Variants in HNF1B observed in about 807,000 individuals in gnomAD.
The protein encoded by HNF1B is hepatocyte nuclear factor 1-beta.
Under a neutral mutation model 61.7 loss-of-function variants are expected in HNF1B, and 8 were observed. The ratio of observed to expected loss-of-function variants is 0.13; its 90% CI spans 0.08 to 0.23. HNF1B has a LOEUF of 0.23. Ranked by LOEUF, HNF1B falls within the 10% of genes least tolerant of loss-of-function variation. HNF1B has a pLI of 1.00. For synonymous variants in HNF1B, 314 were observed against 287.7 expected, an observed-to-expected ratio of 1.09 and a Z score of -0.93; for missense variants, 562 against 714.5, an observed-to-expected ratio of 0.79 and a Z score of 2.43.
chr17:37,687,643 G>C (rs963453348), intron 8 of HNF1B, among the ~76,000 whole-genome samples: 11 of 152,190 alleles, frequency 7.2e-5, no homozygotes, highest in African/African-American at 2.7e-4. Flanking sequence ...CCTTGAAGTA[G>C]TCTTAACTTG....
chr17:37,700,339 T>C (rs1252158338), intron 7 of HNF1B, among the ~76,000 whole-genome samples: 1 of 152,028 alleles, frequency 6.6e-6, no homozygotes, highest in African/African-American at 2.4e-5. Context: ...GGTCGAAAGG[T>C]AGGCTTGGGG....
At chr17:37,720,583 C>A in intron 4 of HNF1B, 1 of 161,002 alleles carries the variant, frequency 6.2e-6, no homozygotes, top group East Asian at 1.9e-4. Flanking sequence ...AATTCTTAAA[C>A]TGAATACCAA....
intron 8 of HNF1B, among the ~76,000 whole-genome samples, chr17:37,693,189 CAAAAAAAAA>C (rs11464180): frequency 8.4e-5 from 4 of 47,756 alleles, no homozygotes; most frequent in Admixed American, 2.5e-4. Flanking sequence ...GATTCCATCT[CAAAAAAAAA>C]AAAAAAAAAA....
At chr17:37,717,349 G>C (rs1459765012) in intron 4 of HNF1B, among the ~76,000 whole-genome samples, 1 of 152,148 alleles carries the variant, frequency 6.6e-6, no homozygotes, top group African/African-American at 2.4e-5. Flanking sequence ...TACTCAACTG[G>C]CTGGGGCTCT....
chr17:37,709,617 A>G (rs2147470651), intron 5 of HNF1B, among the ~76,000 whole-genome samples: 1 of 152,318 alleles, frequency 6.6e-6, no homozygotes, highest in African/African-American at 2.4e-5. Context: ...CAAGTGTGCT[A>G]AACTTGCATC....
chr17:37,710,686 T>G, intron 4 of HNF1B, 23 bp from the exon 5 acceptor site: 1 of 1,607,088 alleles, frequency 6.2e-7, no homozygotes, highest in African/African-American at 1.3e-5. Flanking sequence ...ACAAACCCAG[T>G]AGGGAACATT....
intron 8 of HNF1B, among the ~76,000 whole-genome samples, chr17:37,698,719 G>GA (rs1490713731): frequency 6.6e-6 from 1 of 152,012 alleles, no homozygotes; most frequent in Non-Finnish European, 1.5e-5. Flanking sequence ...CTCAGCAGGG[G>GA]ATCTGTCCTC....
chr17:37,708,919 C>T (rs2032841099), intron 5 of HNF1B, among the ~76,000 whole-genome samples: 1 of 152,180 alleles, frequency 6.6e-6, no homozygotes, highest in Non-Finnish European at 1.5e-5. Flanking sequence ...GAGCCAGGGA[C>T]TCGATCACCT....
chr17:37,739,687 G>A (rs753933665), intron 1 of HNF1B, 48 bp from the exon 2 acceptor site: 53 of 1,475,878 alleles, frequency 3.6e-5, no homozygotes, highest in Non-Finnish European at 4.9e-5. Context: ...GACATCTGGG[G>A]AGAAACATTC....
At chr17:37,743,599 G>T (rs996332032) in intron 1 of HNF1B, among the ~76,000 whole-genome samples, 1 of 152,222 alleles carries the variant, frequency 6.6e-6, no homozygotes, top group Non-Finnish European at 1.5e-5. Flanking sequence ...GAAGCCACGC[G>T]ATGGGCTCTG....
chr17:37,740,487 T>C (rs2033962411), intron 1 of HNF1B, among the ~76,000 whole-genome samples: 1 of 152,148 alleles, frequency 6.6e-6, no homozygotes, highest in Admixed American at 6.5e-5. Flanking sequence ...AAAACAGGGG[T>C]GAAATGTATG....
rs375418743 is a variant in HNF1B at position 37,737,584 on chromosome 17, T to C, written c.544+1856A>G. ...GGCTCACCCCTGTAATCCCAGCACTTTGGGAGGCTGAGGCGGCGGATCACG... is the reference window on the plus strand; with the variant it reads ...GGCTCACCCCTGTAATCCCAGCACTCTGGGAGGCTGAGGCGGCGGATCACG... On this transcript the variant is annotated intron_variant, in intron 2 of 8. Coordinates refer to ENST00000617811, the MANE Select transcript of HNF1B (RefSeq NM_000458.4). Among the ~76,000 whole-genome samples, 18 of 152,042 alleles carry C rather than the reference T, an allele frequency of 1.2e-4. No individual in the cohort carries two copies. The East Asian group carries it at 2.7e-3, about 23-fold the overall frequency.
At chr17:37,719,806 A>G (rs1466244433) in intron 4 of HNF1B, among the ~76,000 whole-genome samples, 1 of 152,240 alleles carries the variant, frequency 6.6e-6, no homozygotes, top group East Asian at 1.9e-4. Flanking sequence ...CTTAGAAAAG[A>G]GAGGTTTTCC....
chr17:37,699,543 AC>A (rs1235270929), intron 7 of HNF1B, among the ~76,000 whole-genome samples: 2 of 152,160 alleles, frequency 1.3e-5, no homozygotes, highest in African/African-American at 4.8e-5. Context: ...GGTCCAGGGC[AC>A]CATGGGCTCT....
At position 37,694,857 on chromosome 17, in the gene HNF1B, C is replaced by T. The variant is rs576647037; in HGVS notation, c.1653+4219G>A. Among the ~76,000 whole-genome samples, 12 of 152,124 alleles carry T rather than the reference C, an allele frequency of 7.9e-5. No individual in the cohort carries two copies. The East Asian group carries it at 9.7e-4, about 12-fold the overall frequency. On this transcript the variant is annotated intron_variant, in intron 8 of 8. Coordinates refer to ENST00000617811, the MANE Select transcript of HNF1B (RefSeq NM_000458.4). Reference sequence around the variant, plus strand: ...TGCTTCTAACAACCCACAGTAGCTACGGAAGCAAAGGAATGACTTACATTT... The same window carrying T: ...TGCTTCTAACAACCCACAGTAGCTATGGAAGCAAAGGAATGACTTACATTT...
intron 4 of HNF1B, among the ~76,000 whole-genome samples, chr17:37,719,463 C>T (rs960835659): frequency 3.9e-5 from 6 of 152,178 alleles, no homozygotes; most frequent in African/African-American, 1.4e-4. Context: ...CTTTTAAATG[C>T]CCCTTTCTCC....
At chr17:37,727,955 G>A (rs554438967) in intron 4 of HNF1B, among the ~76,000 whole-genome samples, 1 of 152,124 alleles carries the variant, frequency 6.6e-6, no homozygotes, top group African/African-American at 2.4e-5. Flanking sequence ...AGTGCTGACG[G>A]TGGATTTTGG....
rs777884862 is a variant in HNF1B, at chr17:37,686,935, G to A, written c.*437C>T. The A allele has an allele frequency of 9.7e-5, 34 of 348,956 alleles. No individual in the cohort carries two copies. The highest frequency in any genetic ancestry group is 1.7e-4 in the Non-Finnish European group (31 of 183,700). 21.6% of individuals were successfully genotyped at this position (348,956 alleles called of 1,614,324 possible). On this transcript the variant is annotated 3_prime_UTR_variant, in exon 9 of 9. Transcript: ENST00000617811. ...AAGAAATCTCAAGATCATTTGGGAT[G>A]GGGGCAGGGGAGGGAGTCTGTGGAT...
chr17:37,727,907 C>T (rs1183022595), intron 4 of HNF1B, among the ~76,000 whole-genome samples: 1 of 151,956 alleles, frequency 6.6e-6, no homozygotes, highest in Non-Finnish European at 1.5e-5. Context: ...TGGAGGGATT[C>T]GGGCCTTGTT....
Sources: gnomAD v4.1 joint callset for allele counts (sites outside exome capture counted in the v4.1 genomes callset) on GRCh38, gnomAD v4.1.1 for gene constraint, MANE v1.5 for transcripts, NCBI Gene and HGNC (gene_info 2026-07-23, HGNC 2026-07-21) for gene names.